IQSEC2: variants seen among roughly 807,000 people sequenced by gnomAD.
IQSEC2 encodes the protein IQ motif and Sec7 domain ArfGEF 2.
IQSEC2 carries 6 observed loss-of-function variants against 74.6 expected under a neutral mutation model. The observed-to-expected ratio is 0.08, with a 90% CI of 0.04 to 0.16. The LOEUF (loss-of-function observed/expected upper bound fraction) is 0.16, where lower values mean the gene tolerates loss of function less well. IQSEC2 is among the 10% of genes least tolerant of loss of function. The probability of loss-of-function intolerance (pLI) is 1.00; values close to 1 mark genes in which losing one functional copy is unlikely to be tolerated. For synonymous variants in IQSEC2, 494 were observed against 544.5 expected (o/e 0.91, Z 1.29); for missense variants, 734 against 1,306.2 (o/e 0.56, Z 6.75).
chrX:53,248,800 C>G lies in IQSEC2; in HGVS notation c.2380G>C (p.Glu794Gln), dbSNP rs1569300687. The change falls in exon 6 of 15, where the codon GAG becomes CAG. Residue 794 changes from glutamate (E) to glutamine (Q), a missense_variant. Physicochemically the swap from Glu to Gln is conservative, Grantham distance 29 (BLOSUM62 2). Around this residue, in one of 12 missense-constraint regions of IQSEC2, gnomAD observed 14 missense variants for 20.4 expected, o/e 0.69. Coordinates refer to ENST00000642864, the MANE Select transcript of IQSEC2 (RefSeq NM_001111125.3). ...ATCTGCCGGCTGAGGCCTTTCCGCT[C>G]CAGGATGAAGTGAGCCACTCCCACC... ...TPVGVAHFIL[E>Q]RKGLSRQMIG... 1 of 1,211,454 alleles carries G rather than the reference C, an allele frequency of 8.3e-7. No homozygotes were observed. The highest frequency in any genetic ancestry group is 1.1e-6 in the Non-Finnish European group (1 of 895,339).
chrX:53,278,003 CTTTTTTTTTT>C (rs36027805), intron 2 of IQSEC2, among the ~76,000 whole-genome samples: 4 of 37,571 alleles, frequency 1.1e-4, no homozygotes, highest in Non-Finnish European at 4.3e-5. Context: ...TTTTCTTTTT[CTTTTTTTTTT>C]TTTTTTTTTT....
chrX:53,260,477 T>C (rs1447603247), intron 2 of IQSEC2, among the ~76,000 whole-genome samples: 8 of 111,672 alleles, frequency 7.2e-5, no homozygotes, highest in African/African-American at 2.6e-4. Flanking sequence ...AGGGACATGA[T>C]CTAACTTGGG....
chrX:53,235,971 A>G, intron 13 of IQSEC2, 139 bp from the exon 14 acceptor site: 2 of 565,329 alleles, frequency 3.5e-6, no homozygotes, highest in Non-Finnish European at 5.6e-6. Context: ...GAAGAGGGGG[A>G]GGCGGGGAGG....
intron 1 of IQSEC2, among the ~76,000 whole-genome samples, chrX:53,317,075 A>AT (rs2075384600): frequency 9.0e-6 from 1 of 111,006 alleles, no homozygotes; most frequent in Non-Finnish European, 1.9e-5. Flanking sequence ...GCACTCCTAT[A>AT]TATCACTCTA....
chrX:53,288,646 A>G (rs2075059048), intron 2 of IQSEC2, among the ~76,000 whole-genome samples: 1 of 112,059 alleles, frequency 8.9e-6, no homozygotes, highest in African/African-American at 3.2e-5. Flanking sequence ...GGGTTAGGGG[A>G]AAGCAGAGGA....
At chrX:53,260,521 C>G (rs2074553244) in intron 2 of IQSEC2, among the ~76,000 whole-genome samples, 1 of 111,575 alleles carries the variant, frequency 9.0e-6, no homozygotes, top group Admixed American at 9.5e-5. Context: ...GGATAACCTT[C>G]AACTTCCTCA....
At chrX:53,231,189 C>T (rs2074062787), downstream of IQSEC2, 1 of 111,829 alleles carries the variant, frequency 8.9e-6, no homozygotes, top group African/African-American at 3.3e-5. Flanking sequence ...CCACTTAAGG[C>T]CTGGTGGGGA....
intron 2 of IQSEC2, among the ~76,000 whole-genome samples, chrX:53,288,775 G>A (rs1233329263): frequency 8.9e-5 from 10 of 112,392 alleles, no homozygotes. Flanking sequence ...CTAAGAACCA[G>A]AGAAGTTAAG....
chrX:53,261,955 C>T (rs1455925882), intron 2 of IQSEC2, among the ~76,000 whole-genome samples: 2 of 111,749 alleles, frequency 1.8e-5, no homozygotes, highest in African/African-American at 6.5e-5. Flanking sequence ...GCATGGCAAA[C>T]GTGAGGGAAG....
At chrX:53,306,909 A>G (rs1206400199) in intron 1 of IQSEC2, among the ~76,000 whole-genome samples, 5 of 111,109 alleles carry the variant, frequency 4.5e-5, no homozygotes, top group African/African-American at 1.3e-4. Context: ...AGACTTGGAG[A>G]TGGTAGCTGC....
intron 14 of IQSEC2, 67 bp downstream of exon 14, chrX:53,235,716 C>T: frequency 9.0e-7 from 1 of 1,109,450 alleles, no homozygotes; most frequent in East Asian, 3.3e-5. Flanking sequence ...GTCCCCTCCT[C>T]CTCTGGGTCT....
chrX:53,290,412 GT>G (rs2075086096), intron 2 of IQSEC2, among the ~76,000 whole-genome samples: 1 of 112,210 alleles, frequency 8.9e-6, no homozygotes. Flanking sequence ...AACTAGAGAT[GT>G]TTTCAATCTT....
At chrX:53,307,885 TAAAA>T (rs782356115) in intron 1 of IQSEC2, among the ~76,000 whole-genome samples, 7 of 38,139 alleles carry the variant, frequency 1.8e-4, no homozygotes, top group Non-Finnish European at 3.2e-4. Context: ...AGGCCCTGTC[TAAAA>T]AAAAAAAAAA....
intron 2 of IQSEC2, among the ~76,000 whole-genome samples, chrX:53,261,492 GCA>G (rs3045180): frequency 0.11 from 11,080 of 100,536 alleles, 767 homozygotes; most frequent in African/African-American, 0.25. Context: ...ATCTGCATGT[GCA>G]CACACACACA....
At chrX:53,272,102 G>T (rs782229016) in intron 2 of IQSEC2, among the ~76,000 whole-genome samples, 5 of 110,240 alleles carry the variant, frequency 4.5e-5, no homozygotes, top group Non-Finnish European at 7.6e-5. Context: ...TCACCCTTCT[G>T]TCCCTGGCTC....
Position 53,276,222 on chromosome X carries a change from T to C in IQSEC2, c.737+15673A>G, listed in dbSNP as rs191689432. On this transcript the variant is annotated intron_variant, in intron 2 of 14. Coordinates refer to ENST00000642864, the MANE Select transcript of IQSEC2 (RefSeq NM_001111125.3). ...TAACTTTGTTTTACTCAAGTCTTCTTACAGCCGTTGATTAAATTTTATAGT... is the reference window on the plus strand; with the variant it reads ...TAACTTTGTTTTACTCAAGTCTTCTCACAGCCGTTGATTAAATTTTATAGT... 1.1e-3 allele frequency among the ~76,000 whole-genome samples: 119 copies of C among 112,465 alleles called. 2 individuals carry two copies. The highest frequency in any genetic ancestry group is 3.5e-3 in the African/African-American group (110 of 31,042).
intron 4 of IQSEC2, among the ~76,000 whole-genome samples, chrX:53,252,907 T>C (rs2074413778): frequency 1.8e-5 from 2 of 111,978 alleles, no homozygotes; most frequent in Non-Finnish European, 3.8e-5. Context: ...GATCTCCTAT[T>C]TCCCATTCCT....
intron 2 of IQSEC2, chrX:53,281,605 C>T: frequency 9.4e-7 from 1 of 1,065,336 alleles, no homozygotes. Flanking sequence ...CCAGCCCTTC[C>T]CTAGAAGGAG....
intron 2 of IQSEC2, among the ~76,000 whole-genome samples, chrX:53,275,145 C>T (rs1471109952): frequency 1.8e-5 from 2 of 110,819 alleles, no homozygotes; most frequent in Admixed American, 1.9e-4. Flanking sequence ...AGATTTTTTT[C>T]TGGTACTTTT....
Sources: gnomAD v4.1 joint callset for allele counts (sites outside exome capture counted in the v4.1 genomes callset) on GRCh38, gnomAD v4.1.1 for gene constraint, gnomAD v4.1.1 regional missense constraint, MANE v1.5 for transcripts, NCBI Gene and HGNC (gene_info 2026-07-23, HGNC 2026-07-21) for gene names.